The following IGSF5 variants were observed in gnomAD, a reference collection of about 807,000 sequenced individuals.
The protein encoded by IGSF5 is immunoglobulin superfamily 5 like.
In IGSF5, 41 loss-of-function variants were observed where a neutral mutation model predicts 39.4. That is an observed-to-expected ratio of 1.04 (90% CI 0.81 to 1.35). The LOEUF is 1.35. Among genes scored for constraint, IGSF5 ranks in the 40% most tolerant of loss-of-function variants. The probability of loss-of-function intolerance (pLI) is 0.00; values close to 1 mark genes in which losing one functional copy is unlikely to be tolerated. For synonymous variants in IGSF5, 183 were observed against 175.3 expected, an observed-to-expected ratio of 1.04 and a Z score of -0.34; for missense variants, 487 against 494.6, an observed-to-expected ratio of 0.98 and a Z score of 0.15.
chr21:39,752,821 C>T (rs2080012051), intron 2 of IGSF5, among the ~76,000 whole-genome samples: 1 of 151,580 alleles, frequency 6.6e-6, no homozygotes, highest in African/African-American at 2.4e-5. Context: ...TATTCATGTT[C>T]TTTGCCCACT....
At chr21:39,798,781 A>G (rs774190648) in intron 8 of IGSF5, among the ~76,000 whole-genome samples, 10 of 152,240 alleles carry the variant, frequency 6.6e-5, no homozygotes, top group Admixed American at 1.3e-4. Flanking sequence ...CCTTTCAGTT[A>G]AGGTCCAGCA....
At chr21:39,792,848 C>G (rs731592) in intron 7 of IGSF5, among the ~76,000 whole-genome samples, 47,192 of 152,018 alleles carry the variant, frequency 0.31, 7,915 homozygotes, top group East Asian at 0.47. Context: ...GAGGGGAAGG[C>G]TGAACCCACT....
At chr21:39,795,926 A>C (rs764592399) in intron 8 of IGSF5, among the ~76,000 whole-genome samples, 1 of 152,172 alleles carries the variant, frequency 6.6e-6, no homozygotes, top group Non-Finnish European at 1.5e-5. Context: ...AATGAGGGTT[A>C]TTAAATAACT....
chr21:39,758,703 A>G (rs2080045543), intron 2 of IGSF5, among the ~76,000 whole-genome samples: 1 of 152,164 alleles, frequency 6.6e-6, no homozygotes, highest in Non-Finnish European at 1.5e-5. Context: ...GGAAAGGCAT[A>G]GTGTATAGTC....
intron 2 of IGSF5, among the ~76,000 whole-genome samples, chr21:39,764,882 T>C (rs375996850): frequency 2.0e-5 from 3 of 151,938 alleles, no homozygotes; most frequent in African/African-American, 7.3e-5. Flanking sequence ...GGGAAAAGAG[T>C]ACGAAATTCA....
At chr21:39,736,921 G>C in the IGSF5 span, among the ~76,000 whole-genome samples, 4 of 152,180 alleles carry the variant, frequency 2.6e-5, no homozygotes, top group African/African-American at 9.7e-5. Flanking sequence ...CAGAGGCCAA[G>C]AGATTACAAA....
chr21:39,751,883 A>C (rs2080007479), intron 2 of IGSF5, among the ~76,000 whole-genome samples: 1 of 152,172 alleles, frequency 6.6e-6, no homozygotes, highest in African/African-American at 2.4e-5. Context: ...CCCTGAATGC[A>C]AGATGCTCAG....
intron 2 of IGSF5, among the ~76,000 whole-genome samples, chr21:39,761,167 A>G (rs2080059832): frequency 6.6e-6 from 1 of 152,222 alleles, no homozygotes; most frequent in African/African-American, 2.4e-5. Flanking sequence ...AGAACTGCCT[A>G]TTCAATAAAT....
At chr21:39,781,661 C>G (rs778799737) in intron 5 of IGSF5, among the ~76,000 whole-genome samples, 4 of 152,148 alleles carry the variant, frequency 2.6e-5, no homozygotes, top group Non-Finnish European at 4.4e-5. Context: ...TTAGTTTATG[C>G]CAACCTGGAA....
the IGSF5 span, among the ~76,000 whole-genome samples, chr21:39,734,586 T>A: frequency 7.9e-5 from 12 of 152,262 alleles, no homozygotes; most frequent in South Asian, 2.3e-3. Flanking sequence ...CTGATTTTTT[T>A]AAACTGACTC....
At chr21:39,752,232 G>T (rs558771620) in intron 2 of IGSF5, among the ~76,000 whole-genome samples, 32 of 152,202 alleles carry the variant, frequency 2.1e-4, no homozygotes, top group African/African-American at 7.7e-4. Context: ...TCATAGCTTA[G>T]CTCCCACTTA....
intron 8 of IGSF5, among the ~76,000 whole-genome samples, chr21:39,800,944 A>C (rs1242320340): frequency 6.6e-6 from 1 of 152,240 alleles, no homozygotes; most frequent in African/African-American, 2.4e-5. Flanking sequence ...ATATTTTCAT[A>C]AAAAATCTAG....
chr21:39,779,713 A>C (rs2080160092), intron 5 of IGSF5, among the ~76,000 whole-genome samples: 1 of 152,222 alleles, frequency 6.6e-6, no homozygotes, highest in Non-Finnish European at 1.5e-5. Flanking sequence ...GGAACACTAG[A>C]CAGCCTTCAA....
chr21:39,773,457 T>C (rs1352093219), intron 4 of IGSF5, among the ~76,000 whole-genome samples: 2 of 145,398 alleles, frequency 1.4e-5, no homozygotes, highest in African/African-American at 5.0e-5. Flanking sequence ...ACAAAAGACT[T>C]CCCTCCCCTT....
At chr21:39,786,006 A>G (rs2086917027) in intron 5 of IGSF5, among the ~76,000 whole-genome samples, 1 of 152,212 alleles carries the variant, frequency 6.6e-6, no homozygotes, top group African/African-American at 2.4e-5. Context: ...TAAAAACCCT[A>G]GAAGAAAACC....
rs568444648 is a variant in IGSF5 at position 39,770,897 on chromosome 21, T to A, written c.419-19T>A. On this transcript the variant is annotated intron_variant, in intron 3 of 8. Coordinates refer to ENST00000380588, the MANE Select transcript of IGSF5 (RefSeq NM_001080444.2). ...GGCATGGTCATGTCTTCAATGTGTT[T>A]CTCTCTTTTCTTCTTTAGTTATGGG... 1 of 1,459,750 alleles carries A rather than the reference T, an allele frequency of 6.9e-7. No homozygotes were observed. The highest frequency in any genetic ancestry group is 1.6e-5 in the South Asian group (1 of 62,218). 90.4% of individuals were successfully genotyped at this position (1,459,750 alleles called of 1,614,324 possible).
chr21:39,714,998 G>A, the IGSF5 span, among the ~76,000 whole-genome samples: 1 of 151,194 alleles, frequency 6.6e-6, no homozygotes, highest in Non-Finnish European at 1.5e-5. Flanking sequence ...ATGGGCCTGG[G>A]CCAGGACTCT....
chr21:39,734,260 T>G, the IGSF5 span, among the ~76,000 whole-genome samples: 1 of 151,678 alleles, frequency 6.6e-6, no homozygotes, highest in East Asian at 1.9e-4. Context: ...CCATCTCTAC[T>G]GAAAATACAA....
the IGSF5 span, chr21:39,726,120 T>C: frequency 6.6e-6 from 1 of 152,240 alleles, no homozygotes; most frequent in African/African-American, 2.4e-5. Flanking sequence ...CTCTCATTAC[T>C]GTCAGTTTTA....
Sources: gnomAD v4.1 joint callset for allele counts (sites outside exome capture counted in the v4.1 genomes callset) on GRCh38, gnomAD v4.1.1 for gene constraint, MANE v1.5 for transcripts, NCBI Gene and HGNC (gene_info 2026-07-23, HGNC 2026-07-21) for gene names.